Variants in CTNNA2 observed in about 807,000 individuals in gnomAD.
CTNNA2 encodes catenin alpha 2, also known as catenin alpha-2.
A neutral mutation model predicts 101.0 loss-of-function variants in CTNNA2; 42 were observed. That is an observed-to-expected ratio of 0.42 (90% confidence interval 0.32 to 0.54). The LOEUF (loss-of-function observed/expected upper bound fraction) is 0.54, where lower values mean the gene tolerates loss of function less well. Among genes scored for constraint, CTNNA2 ranks in the 20% least tolerant of loss-of-function variants. The pLI, the probability that CTNNA2 is intolerant of heterozygous loss-of-function variation, is 0.14. For synonymous variants in CTNNA2, 450 were observed against 456.4 expected, an observed-to-expected ratio of 0.99 and a Z score of 0.18; for missense variants, 871 against 1,223.1, an observed-to-expected ratio of 0.71 and a Z score of 4.29.
At chr2:80,347,317 T>C (rs1672829097) in intron 7 of CTNNA2, among the ~76,000 whole-genome samples, 1 of 152,158 alleles carries the variant, frequency 6.6e-6, no homozygotes, top group Admixed American at 6.5e-5. Flanking sequence ...ATTTTTGTGG[T>C]TTTATTTCTC....
intron 12 of CTNNA2, among the ~76,000 whole-genome samples, chr2:80,564,258 A>G (rs1410494863): frequency 6.6e-6 from 1 of 152,206 alleles, no homozygotes; most frequent in Admixed American, 6.5e-5. Context: ...GGTTTTGACA[A>G]ACACTAAGCT....
intron 2 of CTNNA2, among the ~76,000 whole-genome samples, chr2:79,200,335 G>T (rs911832114): frequency 6.6e-6 from 1 of 150,728 alleles, no homozygotes; most frequent in Admixed American, 6.6e-5. Context: ...AGTGAGCCGA[G>T]ATTGCGCCAC....
chr2:79,744,270 G>A (rs1160303978), intron 2 of CTNNA2, 117 bp from the exon 3 acceptor site: 52 of 985,584 alleles, frequency 5.3e-5, no homozygotes, highest in Non-Finnish European at 7.3e-6. Context: ...GTGCATTCAT[G>A]ATTTAGTATT....
At chr2:80,370,921 TA>T (rs1240159412) in intron 7 of CTNNA2, among the ~76,000 whole-genome samples, 1 of 152,194 alleles carries the variant, frequency 6.6e-6, no homozygotes, top group Non-Finnish European at 1.5e-5. Flanking sequence ...TAAATCTACA[TA>T]TTTTTTAATG....
chr2:79,490,388 T>C (rs1215818832), intron 4 of CTNNA2, among the ~76,000 whole-genome samples: 1 of 152,176 alleles, frequency 6.6e-6, no homozygotes, highest in Non-Finnish European at 1.5e-5. Flanking sequence ...CATTGGATGC[T>C]GCACATCCAA....
chr2:79,705,076 G>A (rs1260142074), intron 2 of CTNNA2, among the ~76,000 whole-genome samples: 1 of 152,046 alleles, frequency 6.6e-6, no homozygotes, highest in Non-Finnish European at 1.5e-5. Flanking sequence ...CAGGCATCTA[G>A]TGGGTCGAAT....
At chr2:79,570,622 T>A (rs932248640) in intron 1 of CTNNA2, among the ~76,000 whole-genome samples, 2 of 152,130 alleles carry the variant, frequency 1.3e-5, no homozygotes, top group Admixed American at 6.6e-5. Context: ...GGAAAAAAGA[T>A]GAGAAACTCA....
chr2:80,177,353 C>T (rs1705459468), intron 7 of CTNNA2, among the ~76,000 whole-genome samples: 1 of 152,158 alleles, frequency 6.6e-6, no homozygotes, highest in Admixed American at 6.5e-5. Flanking sequence ...AAATTGCTGC[C>T]CTTTCCATGA....
At chr2:80,054,881 T>C (rs1697117991) in intron 7 of CTNNA2, among the ~76,000 whole-genome samples, 1 of 152,082 alleles carries the variant, frequency 6.6e-6, no homozygotes, top group Admixed American at 6.5e-5. Flanking sequence ...ACCTGAAATA[T>C]CTTAGTTTTT....
chr2:79,330,322 C>A (rs1400694655), intron 3 of CTNNA2, among the ~76,000 whole-genome samples: 1 of 152,168 alleles, frequency 6.6e-6, no homozygotes, highest in Non-Finnish European at 1.5e-5. Context: ...GTTCAAGACT[C>A]AGAGTTTGTA....
chr2:79,748,575 G>A (rs897932910), intron 3 of CTNNA2, among the ~76,000 whole-genome samples: 3 of 151,918 alleles, frequency 2.0e-5, no homozygotes, highest in Non-Finnish European at 4.4e-5. Context: ...TATTGTACAT[G>A]TCCATTTTCA....
At chr2:80,219,407 G>C (rs1708447140) in intron 7 of CTNNA2, among the ~76,000 whole-genome samples, 1 of 152,110 alleles carries the variant, frequency 6.6e-6, no homozygotes, top group Admixed American at 6.6e-5. Context: ...AGCATTTAAT[G>C]ATTTTAAAAT....
intron 7 of CTNNA2, among the ~76,000 whole-genome samples, chr2:80,234,172 A>C (rs1224713877): frequency 1.3e-5 from 2 of 151,862 alleles, no homozygotes; most frequent in Non-Finnish European, 2.9e-5. Context: ...TCAGCCTCCC[A>C]AGGTACGCAC....
intron 1 of CTNNA2, among the ~76,000 whole-genome samples, chr2:79,563,384 C>T (rs1053288192): frequency 1.3e-5 from 2 of 151,902 alleles, no homozygotes; most frequent in African/African-American, 4.8e-5. Flanking sequence ...TTTTCAAAAA[C>T]AAAAGTTGTG....
At chr2:79,280,234 G>C (rs1675327249) in intron 2 of CTNNA2, among the ~76,000 whole-genome samples, 1 of 152,064 alleles carries the variant, frequency 6.6e-6, no homozygotes, top group Admixed American at 6.5e-5. Context: ...CTCCTGGGCA[G>C]ATCTATGCCT....
chr2:79,379,271 TC>T (rs1558653130), intron 4 of CTNNA2, among the ~76,000 whole-genome samples: 1 of 152,206 alleles, frequency 6.6e-6, no homozygotes, highest in Non-Finnish European at 1.5e-5. Context: ...GAACATTTTC[TC>T]ATTAGAATAA....
Position 79,609,361 on chromosome 2 carries a change from C to CT in CTNNA2, c.-5-42190dup, listed in dbSNP as rs1277425116. On this transcript the variant is annotated intron_variant, in intron 1 of 18. Transcript: ENST00000402739. ...TATATTCATCTTATGGTTTTATGTG[C>CT]TGTATCTGTTCACCCTACTTCAAAT... Among the ~76,000 whole-genome samples, 4 of 152,064 alleles carry CT rather than the reference C, an allele frequency of 2.6e-5. No homozygotes were observed. In the East Asian group the frequency reaches 7.7e-4, roughly 29 times the overall value.
chr2:79,572,846 G>A (rs1347769563), intron 1 of CTNNA2, among the ~76,000 whole-genome samples: 1 of 152,136 alleles, frequency 6.6e-6, no homozygotes, highest in African/African-American at 2.4e-5. Flanking sequence ...TATTAAAATA[G>A]AGTGACATTT....
Position 80,558,781 on chromosome 2 carries a change from CAA to C in CTNNA2, c.1741+2891_1741+2892del, listed in dbSNP as rs1398303206. Among the ~76,000 whole-genome samples, 3 of 152,060 alleles carry C rather than the reference CAA, an allele frequency of 2.0e-5. No individual in the cohort carries two copies. In the East Asian group the frequency reaches 5.8e-4, roughly 29 times the overall value. On this transcript the variant is annotated intron_variant, in intron 12 of 18. Transcript: ENST00000402739. ...AGAGGAAAGATGAGGAGAAAGAAGA[CAA>C]AATGTCATGGTTTTTGTTGTTGTTG...
Sources: allele counts gnomAD v4.1 joint callset (sites outside exome capture counted in the v4.1 genomes callset), GRCh38; gene constraint gnomAD v4.1.1; transcripts MANE v1.5; gene names NCBI Gene and HGNC (gene_info 2026-07-23, HGNC 2026-07-21).